EDARADD: variants seen among roughly 807,000 people sequenced by gnomAD.
The protein encoded by EDARADD is ectodysplasin-A receptor-associated adapter protein.
EDARADD carries 20 observed loss-of-function variants against 25.6 expected under a neutral mutation model. The observed-to-expected ratio is 0.78, with a 90% CI of 0.55 to 1.14. The LOEUF is 1.14. EDARADD is among the 50% of genes most tolerant of loss of function. The probability of loss-of-function intolerance (pLI) is 0.00; values close to 1 mark genes in which losing one functional copy is unlikely to be tolerated. For synonymous variants in EDARADD, 86 were observed against 94.4 expected (o/e 0.91, Z 0.52); for missense variants, 225 against 270.1 (o/e 0.83, Z 1.17).
chr1:236,367,084 C>CA (rs753983803), intron 3 of EDARADD, among the ~76,000 whole-genome samples: 1,184 of 61,852 alleles, frequency 0.019, 55 homozygotes, highest in African/African-American at 0.059. Context: ...ACTCCATCGC[C>CA]AAAAAAAAAA....
At chr1:236,427,293 A>G in intron 3 of EDARADD, 99 bp from the exon 4 acceptor site, 1 of 1,156,276 alleles carries the variant, frequency 8.6e-7, no homozygotes, top group Non-Finnish European at 1.2e-6. Flanking sequence ...CCAAGGCAGC[A>G]TGTGACACTG....
chr1:236,395,845 C>A lies in EDARADD; in HGVS notation c.61+1340C>A, dbSNP rs1367954314. On this transcript the variant is annotated intron_variant, in intron 1 of 5. Coordinates refer to ENST00000334232, the MANE Select transcript of EDARADD (RefSeq NM_145861.4). The surrounding 1 kb of genome is among the most constrained non-coding windows in gnomAD (Gnocchi z 6.9). ...GCACGGGGCTCCCAGTCCAGCCCCG[C>A]GAGCGGCTGCTGACCGCCCCTCCCG... 3.3e-5 allele frequency among the ~76,000 whole-genome samples: 5 copies of A among 151,688 alleles called. No individual in the cohort carries two copies. Among genetic ancestry groups the A allele is most frequent in the Non-Finnish European group, 5.9e-5 (4 of 67,856 alleles).
chr1:236,465,280 C>T (rs1659156303), intron 4 of EDARADD, among the ~76,000 whole-genome samples: 1 of 152,232 alleles, frequency 6.6e-6, no homozygotes, highest in Non-Finnish European at 1.5e-5. Flanking sequence ...TACCCTGCTT[C>T]AGGCGAGAGC....
At chr1:236,391,308 G>A (rs1667423935), upstream of EDARADD, among the ~76,000 whole-genome samples, 1 of 152,140 alleles carries the variant, frequency 6.6e-6, no homozygotes, top group South Asian at 2.1e-4. Flanking sequence ...TTCTCAAGAA[G>A]AAAACTTGGA....
At chr1:236,413,461 A>T (rs911362920) in intron 2 of EDARADD, among the ~76,000 whole-genome samples, 4 of 151,976 alleles carry the variant, frequency 2.6e-5, no homozygotes, top group Non-Finnish European at 4.4e-5. Flanking sequence ...AGCTACAGGA[A>T]ATTGTTCAGG....
chr1:236,424,013 G>A (rs953700643), intron 3 of EDARADD, among the ~76,000 whole-genome samples: 1 of 152,010 alleles, frequency 6.6e-6, no homozygotes, highest in Non-Finnish European at 1.5e-5. Flanking sequence ...GTCTAGGGTA[G>A]GAGAATCACT....
At chr1:236,468,309 A>G (rs779710063) in intron 5 of EDARADD, 33 bp downstream of exon 5, 2 of 1,606,910 alleles carry the variant, frequency 1.2e-6, no homozygotes, top group Non-Finnish European at 1.7e-6. Context: ...ATCTGGGCTA[A>G]TAGCTAGTGT....
intron 4 of EDARADD, among the ~76,000 whole-genome samples, chr1:236,463,455 G>T (rs925242275): frequency 6.6e-6 from 1 of 152,020 alleles, no homozygotes; most frequent in East Asian, 1.9e-4. Flanking sequence ...CACCACGCCC[G>T]GCTAATTTTG....
intron 4 of EDARADD, among the ~76,000 whole-genome samples, chr1:236,431,275 C>T (rs1308226594): frequency 6.6e-6 from 1 of 152,128 alleles, no homozygotes; most frequent in African/African-American, 2.4e-5. Context: ...CGAGGAAAAA[C>T]ATCATAGTGT....
At chr1:236,409,912 A>G (rs1657409677) in intron 2 of EDARADD, among the ~76,000 whole-genome samples, 1 of 152,032 alleles carries the variant, frequency 6.6e-6, no homozygotes, top group Non-Finnish European at 1.5e-5. Flanking sequence ...GCAGCCTGGG[A>G]TGCCAGATGG....
At chr1:236,381,100 T>G (rs1667291114) in intron 3 of EDARADD, among the ~76,000 whole-genome samples, 1 of 152,184 alleles carries the variant, frequency 6.6e-6, no homozygotes, top group Admixed American at 6.5e-5. Context: ...TGGGCACCCA[T>G]TAATCAGCTT....
At chr1:236,413,725 C>A (rs1282224775) in intron 2 of EDARADD, among the ~76,000 whole-genome samples, 1 of 152,190 alleles carries the variant, frequency 6.6e-6, no homozygotes, top group African/African-American at 2.4e-5. Context: ...TTACTCTCAA[C>A]TGATGCATTG....
chr1:236,394,439 A>C lies in EDARADD; in HGVS notation c.-6A>C. 6.2e-7 allele frequency: 1 copy of C among 1,614,094 alleles called. No homozygotes were observed. ...AGAGAATTAAGAAGCCAAACTCAAC[A>C]TCGCCATGGGCCTCAGGACGACTAA... On this transcript the variant is annotated 5_prime_UTR_variant, in exon 1 of 6. Coordinates refer to ENST00000334232, the MANE Select transcript of EDARADD (RefSeq NM_145861.4).
intron 1 of EDARADD, among the ~76,000 whole-genome samples, chr1:236,405,769 CTTTCTTTCTTTCTTTCTTTCTTTTCTT>C (rs1667702830): frequency 1.4e-5 from 1 of 69,788 alleles, no homozygotes; most frequent in Admixed American, 1.6e-4. Flanking sequence ...TTCTTTCTTT[CTTTCTTTCTTTCTTTCTTTCTTTTCTT>C]TTTCTTTCTT....
chr1:236,411,485 C>T (rs1012887911), intron 2 of EDARADD, among the ~76,000 whole-genome samples: 1 of 151,724 alleles, frequency 6.6e-6, no homozygotes, highest in Admixed American at 6.6e-5. Context: ...GTGTTTGTGT[C>T]TCGTCTCTTC....
At chr1:236,447,224 C>CTCTCTTTCTTT (rs58467420) in intron 4 of EDARADD, among the ~76,000 whole-genome samples, 1 of 38,486 alleles carries the variant, frequency 2.6e-5, no homozygotes, top group Non-Finnish European at 7.3e-5. Flanking sequence ...TTCTTTCTTT[C>CTCTCTTTCTTT]CTTTCTTTCC....
At chr1:236,392,510 A>G (rs1194134893), upstream of EDARADD, among the ~76,000 whole-genome samples, 1 of 111,160 alleles carries the variant, frequency 9.0e-6, no homozygotes, top group Non-Finnish European at 1.9e-5. Context: ...TTTTTTTGTC[A>G]GAGTCTTGCT....
chr1:236,437,743 C>CTTT (rs5781886), intron 4 of EDARADD, among the ~76,000 whole-genome samples: 23 of 88,068 alleles, frequency 2.6e-4, no homozygotes, highest in South Asian at 4.3e-4. Context: ...TTGGTTCCTT[C>CTTT]TTTTTTTTTT....
chr1:236,470,071 A>C (rs780726039), intron 5 of EDARADD, among the ~76,000 whole-genome samples: 2 of 151,960 alleles, frequency 1.3e-5, no homozygotes, highest in Non-Finnish European at 2.9e-5. Context: ...TGCTGGGATT[A>C]CAGGCATGAG....
Sources: allele counts gnomAD v4.1 joint callset (sites outside exome capture counted in the v4.1 genomes callset), GRCh38; gene constraint gnomAD v4.1.1; non-coding constraint Gnocchi (gnomAD v3.1); transcripts MANE v1.5; gene names NCBI Gene and HGNC (gene_info 2026-07-23, HGNC 2026-07-21).